The following NDRG3 variants were observed in gnomAD, a reference collection of about 807,000 sequenced individuals.
NDRG3 encodes NDRG family member 3.
NDRG3 carries 23 observed loss-of-function variants against 57.2 expected under a neutral mutation model. That is an observed-to-expected ratio of 0.40 (90% CI 0.29 to 0.57). The LOEUF (loss-of-function observed/expected upper bound fraction) is 0.57, where lower values mean the gene tolerates loss of function less well. Ranked by LOEUF, NDRG3 falls within the 20% of genes least tolerant of loss-of-function variation. The pLI is 0.42. For missense variants in NDRG3, 384 were observed against 457.3 expected (o/e 0.84, Z 1.46); for synonymous variants, 132 against 162.6 (o/e 0.81, Z 1.43).
intron 12 of NDRG3, among the ~76,000 whole-genome samples, chr20:36,661,950 C>A (rs1249420901): frequency 6.6e-6 from 1 of 152,124 alleles, no homozygotes. Context: ...TTGCTCTATA[C>A]AAAGGACAAT....
chr20:36,684,432 G>GA lies in NDRG3; in HGVS notation c.363dup (p.Pro122SerfsTer41). The GA allele has an allele frequency of 6.2e-7, 1 of 1,614,090 alleles. No individual in the cohort carries two copies. Among genetic ancestry groups the GA allele is most frequent in the South Asian group, 1.1e-5 (1 of 91,082 alleles). On this transcript the variant is annotated frameshift_variant, in exon 6 of 16. Coordinates refer to ENST00000349004, the MANE Select transcript of NDRG3 (RefSeq NM_032013.4). LOFTEE classifies it high-confidence loss of function. ...ACCTACCTTAGGTGGGTAAGAACAG[G>GA]AGGCAGCATTTCAGCCAGCTCATCC...
At chr20:36,714,077 A>G (rs1984074429) in intron 2 of NDRG3, among the ~76,000 whole-genome samples, 1 of 152,108 alleles carries the variant, frequency 6.6e-6, no homozygotes, top group African/African-American at 2.4e-5. Context: ...ATCAACTAGT[A>G]TAATAAATCG....
At chr20:36,661,274 A>C (rs983183055) in intron 12 of NDRG3, among the ~76,000 whole-genome samples, 2 of 152,182 alleles carry the variant, frequency 1.3e-5, no homozygotes, top group African/African-American at 2.4e-5. Flanking sequence ...AGCCCTGTGC[A>C]TTCACATGTC....
intron 8 of NDRG3, among the ~76,000 whole-genome samples, chr20:36,678,661 C>T (rs1427297658): frequency 1.3e-5 from 2 of 152,160 alleles, no homozygotes; most frequent in Admixed American, 6.5e-5. Context: ...GCCTGGGCGA[C>T]AAGAGCGAGA....
At position 36,712,559 on chromosome 20, in the gene NDRG3, CTATA is replaced by C. The variant is rs1201319236; in HGVS notation, c.58-5556_58-5553del. 9.3e-3 allele frequency among the ~76,000 whole-genome samples: 192 copies of C among 20,742 alleles called. 11 individuals carry two copies. The highest frequency in any genetic ancestry group is 0.045 in the Middle Eastern group (1 of 22). 13.6% of individuals were successfully genotyped at this position (20,742 alleles called of 152,430 possible). On this transcript the variant is annotated intron_variant, in intron 2 of 15. Coordinates refer to ENST00000349004, the MANE Select transcript of NDRG3 (RefSeq NM_032013.4). ...TACTGGCATGTGCCACCATGCCCGG[CTATA>C]TATATATATATATATATATATATAT...
intron 1 of NDRG3, among the ~76,000 whole-genome samples, chr20:36,723,659 A>AGTGTGTGTGTGTGT (rs36022065): frequency 3.6e-3 from 474 of 132,926 alleles, no homozygotes; most frequent in Non-Finnish European, 4.4e-3. Flanking sequence ...ATATTAGTCT[A>AGTGTGTGTGTGTGT]GTGTGTGTGT....
chr20:36,664,295 G>A (rs989701698), intron 12 of NDRG3, among the ~76,000 whole-genome samples: 2 of 151,878 alleles, frequency 1.3e-5, no homozygotes, highest in Non-Finnish European at 2.9e-5. Flanking sequence ...CTGTCTTTAG[G>A]TAATGGGATC....
At position 36,694,734 on chromosome 20, in the gene NDRG3, C is replaced by A. The variant is rs185159802; in HGVS notation, c.94-5950G>T. Among the ~76,000 whole-genome samples, 44 of 152,154 alleles carry A rather than the reference C, an allele frequency of 2.9e-4. No individual in the cohort carries two copies. The East Asian group carries it at 7.9e-3, about 27-fold the overall frequency. ...AAATTTATTGTTTTCAGCTTCATGG[C>A]TTTCAAGGCCTTTTATTTATTTATT... On this transcript the variant is annotated intron_variant, in intron 3 of 15. Transcript: ENST00000349004.
At position 36,656,518 on chromosome 20, in the gene NDRG3, C is replaced by T. The variant is rs1490205455; in HGVS notation, c.873G>A (p.Gly291=). The change falls in exon 14 of 16, where the codon GGG becomes GGA. Residue 291 remains glycine (G), a synonymous_variant. Coordinates refer to ENST00000349004, the MANE Select transcript of NDRG3 (RefSeq NM_032013.4). ...NTTLLKMADC[G]GLPQVVQPGK... is the part of the protein sequence containing the mutation. Reference sequence around the variant, plus strand: ...TTACCTGAACTACCTGGGGCAGTCCCCCACAGTCCGCCATCTAGAAAAGGA... The same window carrying T: ...TTACCTGAACTACCTGGGGCAGTCCTCCACAGTCCGCCATCTAGAAAAGGA... The T allele has an allele frequency of 6.2e-7, 1 of 1,613,952 alleles. No homozygotes were observed. Among genetic ancestry groups the T allele is most frequent in the Non-Finnish European group, 8.5e-7 (1 of 1,179,976 alleles).
At chr20:36,708,906 T>C (rs953801470) in intron 2 of NDRG3, among the ~76,000 whole-genome samples, 1 of 151,100 alleles carries the variant, frequency 6.6e-6, no homozygotes, top group Non-Finnish European at 1.5e-5. Flanking sequence ...GGTGTGGTGG[T>C]GCATGCCTGT....
rs987257241 is a variant in NDRG3, at chr20:36,653,795, C to T, written c.947-94G>A. 47 of 1,189,566 alleles carry T rather than the reference C, an allele frequency of 4.0e-5. No individual in the cohort carries two copies. The highest frequency in any genetic ancestry group is 4.8e-5 in the Non-Finnish European group (41 of 846,452). 73.7% of individuals were successfully genotyped at this position (1,189,566 alleles called of 1,614,324 possible). ...TCAAAGTCTTTATGTTTAGCTTTTC[C>T]GACTCATTTACCATGACACCCAGGA... On this transcript the variant is annotated intron_variant, in intron 15 of 15. Transcript: ENST00000349004. This position sits in a 1 kb window ranked among gnomAD's most constrained non-coding sequence, Gnocchi z 4.2.
At chr20:36,676,459 T>TTTTTG (rs569382484) in intron 8 of NDRG3, among the ~76,000 whole-genome samples, 3 of 152,094 alleles carry the variant, frequency 2.0e-5, no homozygotes, top group South Asian at 2.1e-4. Flanking sequence ...GTTTGTTTGT[T>TTTTTG]TTTTGTTTTG....
At chr20:36,730,159 C>A (rs547199884) in intron 1 of NDRG3, among the ~76,000 whole-genome samples, 3 of 150,880 alleles carry the variant, frequency 2.0e-5, no homozygotes, top group African/African-American at 7.3e-5. Flanking sequence ...AAGCAGGAGA[C>A]GCGCTTGAAC....
chr20:36,687,766 C>T (rs2148118016), intron 4 of NDRG3, among the ~76,000 whole-genome samples, 154 bp from the exon 5 acceptor site: 1 of 152,232 alleles, frequency 6.6e-6, no homozygotes, highest in Non-Finnish European at 1.5e-5. Context: ...ATTCAAGCTG[C>T]CCTAAAGGCT....
chr20:36,656,643 T>A, intron 13 of NDRG3, 111 bp from the exon 14 acceptor site: 2 of 1,189,014 alleles, frequency 1.7e-6, no homozygotes, highest in Non-Finnish European at 2.5e-6. Context: ...TTTTAATGTT[T>A]AACTGCAAGT....
chr20:36,653,040 G>C lies in NDRG3; in HGVS notation c.*480C>G, dbSNP rs1978344954. 1 of 152,878 alleles carries C rather than the reference G, an allele frequency of 6.5e-6. No individual in the cohort carries two copies. The highest frequency in any genetic ancestry group is 2.1e-4 in the South Asian group (1 of 4,834). 9.5% of individuals were successfully genotyped at this position (152,878 alleles called of 1,614,324 possible). A position where few individuals can be genotyped will look rare whatever the true frequency, so the allele number is the denominator to read the frequency against. ...CAATTTGCAAACAAAAGAGAATGCA[G>C]TGGCCTACCCAACCTAGAAATCTGT... is the stretch of plus-strand genomic sequence containing the variant. On this transcript the variant is annotated 3_prime_UTR_variant, in exon 16 of 16. Transcript: ENST00000349004. This position sits in a 1 kb window ranked among gnomAD's most constrained non-coding sequence, Gnocchi z 4.2.
chr20:36,684,791 G>A (rs571911711), intron 5 of NDRG3, among the ~76,000 whole-genome samples: 2 of 151,928 alleles, frequency 1.3e-5, no homozygotes, highest in African/African-American at 4.8e-5. Context: ...GGAGGCTGCC[G>A]TGAGCGGAGA....
chr20:36,699,115 T>C (rs941739880), intron 3 of NDRG3, among the ~76,000 whole-genome samples: 1 of 152,102 alleles, frequency 6.6e-6, no homozygotes, highest in African/African-American at 2.4e-5. Context: ...CTAATTTTTA[T>C]TTTTTAGATT....
In NDRG3 at chr20:36,674,495, G is replaced by A. The variant is rs962323432; in HGVS notation, c.532-3098C>T. On this transcript the variant is annotated intron_variant, in intron 8 of 15. Transcript: ENST00000349004. ...TAGGATTACAGGTGTGAGCCACCACGCCCAGCCCTCTTTAAGTCTTTTTAA... is the reference window on the plus strand; with the variant it reads ...TAGGATTACAGGTGTGAGCCACCACACCCAGCCCTCTTTAAGTCTTTTTAA... 3.3e-5 allele frequency among the ~76,000 whole-genome samples: 5 copies of A among 151,306 alleles called. No individual in the cohort carries two copies. In the South Asian group the frequency reaches 6.3e-4, roughly 19 times the overall value.
Sources: gnomAD v4.1 joint callset for allele counts (sites outside exome capture counted in the v4.1 genomes callset) on GRCh38, gnomAD v4.1.1 for gene constraint, Gnocchi (gnomAD v3.1) non-coding constraint, MANE v1.5 for transcripts, NCBI Gene and HGNC (gene_info 2026-07-23, HGNC 2026-07-21) for gene names.